Variants in PARD3B observed in about 807,000 individuals in gnomAD.
The protein encoded by PARD3B is par-3 family cell polarity regulator beta, also known as partitioning defective 3 homolog B.
In PARD3B, 103 loss-of-function variants were observed where a neutral mutation model predicts 130.2. The ratio of observed to expected loss-of-function variants is 0.79; its 90% CI spans 0.67 to 0.93. PARD3B has a LOEUF of 0.93. Among genes scored for constraint, PARD3B ranks in the 40% least tolerant of loss-of-function variants. PARD3B has a pLI of 0.00. For synonymous variants in PARD3B, 583 were observed against 553.2 expected, an observed-to-expected ratio of 1.05 and a Z score of -0.76; for missense variants, 1,609 against 1,499.2, an observed-to-expected ratio of 1.07 and a Z score of -1.21.
At chr2:205,202,750 G>A (rs1441463691) in intron 15 of PARD3B, among the ~76,000 whole-genome samples, 1 of 152,126 alleles carries the variant, frequency 6.6e-6, no homozygotes, top group Non-Finnish European at 1.5e-5. Context: ...CATCCCTAAT[G>A]CCTAGGGATT....
intron 20 of PARD3B, among the ~76,000 whole-genome samples, chr2:205,497,599 C>G (rs1035088883): frequency 1.1e-4 from 17 of 152,006 alleles, no homozygotes; most frequent in Admixed American, 9.2e-4. Flanking sequence ...GCTCTTCACG[C>G]TGGGGCTCTA....
chr2:204,621,932 C>T (rs2034316363), intron 1 of PARD3B, among the ~76,000 whole-genome samples: 1 of 152,198 alleles, frequency 6.6e-6, no homozygotes, highest in Non-Finnish European at 1.5e-5. Context: ...GTTCTAATCT[C>T]ACTTAGTTCA....
chr2:204,855,553 A>T (rs566527280), intron 2 of PARD3B, among the ~76,000 whole-genome samples: 1 of 121,078 alleles, frequency 8.3e-6, no homozygotes, highest in South Asian at 2.5e-4. Flanking sequence ...AGAAAAAAAA[A>T]TATATATATA....
intron 22 of PARD3B, among the ~76,000 whole-genome samples, chr2:205,565,680 CA>C (rs1254504491): frequency 1.3e-5 from 2 of 152,100 alleles, no homozygotes; most frequent in African/African-American, 4.8e-5. Context: ...GCAATGTGTG[CA>C]ACTTATTAGC....
At position 204,850,634 on chromosome 2, in the gene PARD3B, G is replaced by A. The variant is rs118022165; in HGVS notation, c.223-114518G>A. ...AACTCGTTGTATTCATATTCGCTTC[G>A]TGTTAGTGGGCAGTGCTGGCAGGGT... On this transcript the variant is annotated intron_variant, in intron 2 of 22. Transcript: ENST00000406610. Among the ~76,000 whole-genome samples, 28 of 152,132 alleles carry A rather than the reference G, an allele frequency of 1.8e-4. 1 individual carries two copies. In the East Asian group the frequency reaches 4.8e-3, roughly 26 times the overall value.
chr2:205,076,937 A>AT lies in PARD3B; in HGVS notation c.505-27486dup, dbSNP rs1478395047. Among the ~76,000 whole-genome samples, 3 of 152,154 alleles carry AT rather than the reference A, an allele frequency of 2.0e-5. No individual in the cohort carries two copies. The East Asian group carries it at 5.8e-4, about 29-fold the overall frequency. The stretch of plus-strand genomic sequence containing the variant: ...AATTAAATATTCTGAGTAAACTACT[A>AT]TTTCCTAAATTTATTTGACTGCAGG... On this transcript the variant is annotated intron_variant, in intron 4 of 22. Coordinates refer to ENST00000406610, the MANE Select transcript of PARD3B (RefSeq NM_001302769.2).
chr2:205,062,037 A>G (rs1369535026), intron 4 of PARD3B, among the ~76,000 whole-genome samples: 1 of 151,998 alleles, frequency 6.6e-6, no homozygotes, highest in African/African-American at 2.4e-5. Context: ...CTTCCCTTGT[A>G]CGCTTCTCTA....
chr2:204,654,313 G>A (rs745897004), intron 1 of PARD3B, among the ~76,000 whole-genome samples: 3 of 151,198 alleles, frequency 2.0e-5, no homozygotes, highest in Non-Finnish European at 2.9e-5. Flanking sequence ...GAATAAAAGG[G>A]GTTAGTTTCT....
intron 4 of PARD3B, among the ~76,000 whole-genome samples, chr2:205,092,226 G>A (rs1702152818): frequency 6.6e-6 from 1 of 152,060 alleles, no homozygotes; most frequent in African/African-American, 2.4e-5. Flanking sequence ...GACCAACTTG[G>A]AGACTCTCAG....
At chr2:205,420,632 A>G (rs1424170956) in intron 19 of PARD3B, among the ~76,000 whole-genome samples, 2 of 152,204 alleles carry the variant, frequency 1.3e-5, no homozygotes, top group Non-Finnish European at 2.9e-5. Flanking sequence ...GCAGAAATAT[A>G]AATGTAAATT....
At chr2:205,198,309 A>G (rs1373543905) in intron 15 of PARD3B, among the ~76,000 whole-genome samples, 1 of 152,196 alleles carries the variant, frequency 6.6e-6, no homozygotes, top group Non-Finnish European at 1.5e-5. Context: ...ATGAGCTTAA[A>G]GTGATGCATG....
chr2:204,659,921 A>G (rs558874138), intron 1 of PARD3B, among the ~76,000 whole-genome samples: 1 of 152,144 alleles, frequency 6.6e-6, no homozygotes, highest in Non-Finnish European at 1.5e-5. Flanking sequence ...AACTATTACT[A>G]TTTACAGTAA....
chr2:205,399,768 A>C (rs184198598), intron 18 of PARD3B, among the ~76,000 whole-genome samples: 3 of 152,328 alleles, frequency 2.0e-5, no homozygotes, highest in Admixed American at 2.0e-4. Context: ...AACTATATAC[A>C]TCCCAGGCAC....
chr2:205,449,355 G>A (rs368676183), intron 20 of PARD3B, among the ~76,000 whole-genome samples: 5 of 150,936 alleles, frequency 3.3e-5, no homozygotes, highest in East Asian at 2.0e-4. Flanking sequence ...TCAGCCTCCC[G>A]AGTAGCTGGG....
intron 16 of PARD3B, among the ~76,000 whole-genome samples, chr2:205,286,906 C>G (rs2041416154): frequency 6.6e-6 from 1 of 152,200 alleles, no homozygotes; most frequent in South Asian, 2.1e-4. Context: ...TCTAAATTGT[C>G]TAACCATTGG....
intron 3 of PARD3B, among the ~76,000 whole-genome samples, chr2:205,007,642 T>C (rs1695381284): frequency 1.3e-5 from 2 of 152,172 alleles, no homozygotes; most frequent in South Asian, 4.1e-4. Flanking sequence ...AGATTTGTTC[T>C]TTTGACTTAG....
intron 3 of PARD3B, among the ~76,000 whole-genome samples, chr2:204,998,573 CT>C (rs550014216): frequency 1.1e-4 from 15 of 142,332 alleles, no homozygotes; most frequent in East Asian, 2.0e-4. Flanking sequence ...AAATGAAAAA[CT>C]TTTTTTTTAG....
chr2:204,572,210 T>C (rs1404722823), intron 1 of PARD3B, among the ~76,000 whole-genome samples: 1 of 152,222 alleles, frequency 6.6e-6, no homozygotes, highest in Non-Finnish European at 1.5e-5. Context: ...GGAGATGATT[T>C]CTGAGATGAA....
chr2:204,939,791 G>C (rs756246349), intron 2 of PARD3B, among the ~76,000 whole-genome samples: 1 of 152,018 alleles, frequency 6.6e-6, no homozygotes, highest in Non-Finnish European at 1.5e-5. Context: ...TATTTCTTTA[G>C]GGAAACCCTA....
Sources: allele counts gnomAD v4.1 joint callset (sites outside exome capture counted in the v4.1 genomes callset), GRCh38; gene constraint gnomAD v4.1.1; transcripts MANE v1.5; gene names NCBI Gene and HGNC (gene_info 2026-07-23, HGNC 2026-07-21).